PPP1R1C: variants seen among roughly 807,000 people sequenced by gnomAD.
PPP1R1C encodes the protein protein phosphatase 1 regulatory subunit 1C.
Under a neutral mutation model 17.4 loss-of-function variants are expected in PPP1R1C, and 15 were observed. The observed-to-expected ratio is 0.86, with a 90% CI of 0.58 to 1.33. The LOEUF (loss-of-function observed/expected upper bound fraction) is 1.33. Ranked by LOEUF, PPP1R1C falls within the 40% of genes most tolerant of loss-of-function variation. PPP1R1C has a pLI of 0.00. For synonymous variants in PPP1R1C, 35 were observed against 43.1 expected (o/e 0.81, Z 0.73); for missense variants, 143 against 130.0 (o/e 1.10, Z -0.48).
At chr2:181,969,184 T>A (rs891833753) in intron 1 of PPP1R1C, among the ~76,000 whole-genome samples, 14 of 152,194 alleles carry the variant, frequency 9.2e-5, no homozygotes, top group African/African-American at 2.9e-4. Context: ...CTGTGTACTA[T>A]TACCAGTGAG....
chr2:181,988,676 G>A (rs981554399), intron 2 of PPP1R1C, among the ~76,000 whole-genome samples: 1 of 152,080 alleles, frequency 6.6e-6, no homozygotes, highest in Non-Finnish European at 1.5e-5. Context: ...AATAATGGGT[G>A]GACAAAAGGA....
At chr2:182,093,674 A>G (rs1688851253) in intron 4 of PPP1R1C, among the ~76,000 whole-genome samples, 1 of 152,154 alleles carries the variant, frequency 6.6e-6, no homozygotes, top group Non-Finnish European at 1.5e-5. Flanking sequence ...CAACTCTCTC[A>G]AGGTCAAAGT....
chr2:182,127,192 G>A lies in PPP1R1C; in HGVS notation c.*7-1782G>A, dbSNP rs905126562. ...GAACTTTGGTGACATAAACTTGTAA[G>A]GTTTGTGGAGCACATTACCATGACT... On this transcript the variant is annotated intron_variant, in intron 5 of 5. Transcript: ENST00000280295. 4.6e-5 allele frequency among the ~76,000 whole-genome samples: 7 copies of A among 152,068 alleles called. 1 individual carries two copies. The highest frequency in any genetic ancestry group is 1.7e-4 in the African/African-American group (7 of 41,424).
chr2:182,018,024 T>C (rs1192991595), intron 2 of PPP1R1C, among the ~76,000 whole-genome samples: 2 of 152,184 alleles, frequency 1.3e-5, no homozygotes, highest in African/African-American at 2.4e-5. Flanking sequence ...TATTATACAT[T>C]CAGACTAATC....
chr2:182,100,021 A>C (rs1179966371), intron 4 of PPP1R1C, among the ~76,000 whole-genome samples: 2 of 152,166 alleles, frequency 1.3e-5, no homozygotes, highest in East Asian at 3.9e-4. Context: ...CTATTACCTC[A>C]GTTGTGGTAC....
At chr2:181,977,311 A>C (rs1685111620) in intron 2 of PPP1R1C, among the ~76,000 whole-genome samples, 1 of 152,086 alleles carries the variant, frequency 6.6e-6, no homozygotes, top group Non-Finnish European at 1.5e-5. Flanking sequence ...TTTCCTAAAG[A>C]AACTCTCTTC....
rs529068906 is a variant in PPP1R1C at position 182,128,743 on chromosome 2, C to T, written c.*7-231C>T. ...CTTTAGAAAATGACCTAAATAGTGACGATCAGTTTTTTTGCTTGTTGTTTG... is the reference window on the plus strand; with the variant it reads ...CTTTAGAAAATGACCTAAATAGTGATGATCAGTTTTTTTGCTTGTTGTTTG... On this transcript the variant is annotated intron_variant, in intron 5 of 5. Transcript: ENST00000280295. Among the ~76,000 whole-genome samples, 9 of 152,090 alleles carry T rather than the reference C, an allele frequency of 5.9e-5. No homozygotes were observed. The South Asian group carries it at 6.2e-4, about 11-fold the overall frequency.
intron 2 of PPP1R1C, among the ~76,000 whole-genome samples, chr2:181,978,653 C>G (rs561000006): frequency 1.7e-4 from 26 of 152,104 alleles, no homozygotes; most frequent in Non-Finnish European, 3.4e-4. Context: ...GGGTGTTACA[C>G]AGGAACTGAG....
At chr2:182,108,981 C>G (rs916768243) in intron 4 of PPP1R1C, among the ~76,000 whole-genome samples, 2 of 152,158 alleles carry the variant, frequency 1.3e-5, no homozygotes, top group Admixed American at 6.6e-5. Context: ...TTCTGTTGCT[C>G]CCTGTCTTCG....
intron 2 of PPP1R1C, among the ~76,000 whole-genome samples, chr2:182,024,708 A>G (rs1003896316): frequency 5.3e-5 from 8 of 152,044 alleles, no homozygotes; most frequent in African/African-American, 1.9e-4. Flanking sequence ...ACAAAAAATT[A>G]GCCAGGCATG....
At chr2:181,997,864 C>G (rs1394794751) in intron 2 of PPP1R1C, among the ~76,000 whole-genome samples, 1 of 152,132 alleles carries the variant, frequency 6.6e-6, no homozygotes, top group African/African-American at 2.4e-5. Flanking sequence ...AATTTTATCC[C>G]CATTCTTCTA....
intron 2 of PPP1R1C, among the ~76,000 whole-genome samples, chr2:182,024,654 C>T (rs1390068935): frequency 3.3e-5 from 5 of 151,590 alleles, no homozygotes; most frequent in South Asian, 4.2e-4. Context: ...CTCAGGAGTT[C>T]GAGACCAGCC....
exon 6 of PPP1R1C, chr2:182,130,005 G>A (rs765695716): frequency 7.2e-5 from 11 of 151,906 alleles, no homozygotes; most frequent in Non-Finnish European, 1.5e-4. Flanking sequence ...AAAAGTACAT[G>A]GTTCATTTAA....
chr2:181,962,226 G>T lies in PPP1R1C; in HGVS notation n.111+7592G>T, dbSNP rs1684811439. 2 of 733,740 alleles carry T rather than the reference G, an allele frequency of 2.7e-6. No individual in the cohort carries two copies. The highest frequency in any genetic ancestry group is 1.7e-5 in the African/African-American group (1 of 57,404). The allele number at this position is 733,740 out of a possible 1,614,324, so 45.5% of individuals were successfully genotyped here. A position where few individuals can be genotyped will look rare whatever the true frequency, so the allele number is the denominator to read the frequency against. ...GAGGCCAGACGGTCATTCAGGCTTT[G>T]CATTGTCTCCTTCTTATTCTGGATG... On this transcript the variant is annotated intron_variant and non_coding_transcript_variant, in intron 1 of 5. Coordinates refer to the PPP1R1C transcript ENST00000464264. The surrounding 1 kb of genome is among the most constrained non-coding windows in gnomAD (Gnocchi z 6.0).
At chr2:182,036,532 A>G (rs1313917340) in intron 2 of PPP1R1C, among the ~76,000 whole-genome samples, 3 of 152,168 alleles carry the variant, frequency 2.0e-5, no homozygotes, top group African/African-American at 7.2e-5. Flanking sequence ...GCATAAACAT[A>G]ATTTTTAGTA....
chr2:182,119,716 G>A (rs560872718), downstream of PPP1R1C, among the ~76,000 whole-genome samples: 185 of 152,304 alleles, frequency 1.2e-3, no homozygotes, highest in African/African-American at 4.3e-3. Flanking sequence ...TTTGAGAAGT[G>A]TCTGTTCATA....
Position 181,962,130 on chromosome 2 carries a change from C to G in PPP1R1C, n.111+7496C>G. 1 of 728,336 alleles carries G rather than the reference C, an allele frequency of 1.4e-6. No homozygotes were observed. The highest frequency in any genetic ancestry group is 1.8e-5 in the Admixed American group (1 of 57,122). The allele number at this position is 728,336 out of a possible 1,614,324, so 45.1% of individuals were successfully genotyped here. On this transcript the variant is annotated intron_variant and non_coding_transcript_variant, in intron 1 of 5. Coordinates refer to the PPP1R1C transcript ENST00000464264. The surrounding 1 kb of genome is among the most constrained non-coding windows in gnomAD (Gnocchi z 6.0). The stretch of plus-strand genomic sequence containing the variant: ...TCTCTGACCTGGAGTCCCTTCTTCT[C>G]CAGGTGCTCCCGGATTTTGCTCTCC...
chr2:181,967,489 A>G lies in PPP1R1C; in HGVS notation n.112-7730A>G, dbSNP rs764254389. Among the ~76,000 whole-genome samples the G allele has an allele frequency of 4.6e-5, 7 of 152,082 alleles. No homozygotes were observed. The highest frequency in any genetic ancestry group is 1.0e-4 in the Non-Finnish European group (7 of 68,018). On this transcript the variant is annotated intron_variant and non_coding_transcript_variant, in intron 1 of 5. Transcript: ENST00000464264. The surrounding 1 kb of genome is among the most constrained non-coding windows in gnomAD (Gnocchi z 5.5). ...GCTGTATCCTACAGGTTTTGGTACA[A>G]TGTGTTTCCATTTTCATTTATTTCA...
At chr2:181,991,325 G>A (rs921623189) in intron 2 of PPP1R1C, among the ~76,000 whole-genome samples, 24 of 152,258 alleles carry the variant, frequency 1.6e-4, no homozygotes, top group African/African-American at 5.8e-4. Flanking sequence ...TCTAGGGGCA[G>A]CATAATGTCC....
Sources: allele counts gnomAD v4.1 joint callset (sites outside exome capture counted in the v4.1 genomes callset), GRCh38; gene constraint gnomAD v4.1.1; non-coding constraint Gnocchi (gnomAD v3.1); transcripts MANE v1.5; gene names NCBI Gene and HGNC (gene_info 2026-07-23, HGNC 2026-07-21).